ADAMTSL2: variants seen among roughly 807,000 people sequenced by gnomAD.
ADAMTSL2 encodes the protein ADAMTS like 2.
ADAMTSL2 carries 55 observed loss-of-function variants against 117.0 expected under a neutral mutation model. The ratio of observed to expected loss-of-function variants is 0.47; its 90% confidence interval spans 0.38 to 0.59. The LOEUF (loss-of-function observed/expected upper bound fraction) is 0.59. Among genes scored for constraint, ADAMTSL2 ranks in the 20% least tolerant of loss-of-function variants. ADAMTSL2 has a pLI of 0.00. For missense variants in ADAMTSL2, 1,182 were observed against 1,354.5 expected (o/e 0.87, Z 2.00); for synonymous variants, 572 against 566.4 (o/e 1.01, Z -0.14).
chr9:133,569,136 A>T (rs1455741850), intron 15 of ADAMTSL2, among the ~76,000 whole-genome samples: 1 of 150,466 alleles, frequency 6.6e-6, no homozygotes, highest in African/African-American at 2.5e-5. Flanking sequence ...TGTCTCTCTC[A>T]TCGAGAGAGA....
At position 133,557,705 on chromosome 9, in the gene ADAMTSL2, G is replaced by C. The variant is rs1346656596; in HGVS notation, c.1649+1775G>C. ...CTGGTATTCCGTGTGTGAGGCCCAC[G>C]GTAAGGCCTCCAGTAAGTAGAAGCT... On this transcript the variant is annotated intron_variant, in intron 11 of 18. Coordinates refer to ENST00000651351, the MANE Select transcript of ADAMTSL2 (RefSeq NM_014694.4). This position sits in a 1 kb window ranked among gnomAD's most constrained non-coding sequence, Gnocchi z 5.2. Among the ~76,000 whole-genome samples, 3 of 152,190 alleles carry C rather than the reference G, an allele frequency of 2.0e-5. No homozygotes were observed. Among genetic ancestry groups the C allele is most frequent in the Non-Finnish European group, 1.5e-5 (1 of 68,032 alleles).
At position 133,540,680 on chromosome 9, in the gene ADAMTSL2, C is replaced by T; in HGVS notation, c.495C>T (p.Ala165=). 3 of 1,613,828 alleles carry T rather than the reference C, an allele frequency of 1.9e-6. No individual in the cohort carries two copies. The highest frequency in any genetic ancestry group is 2.5e-6 in the Non-Finnish European group (3 of 1,180,048). The part of the protein sequence containing the change: ...VDGQRQLMVP[A]RDGTSCKLTD... ...GCCAGCGGCAGCTCATGGTCCCCGCCCGCGACGGCACATCCTGCAAGCTCA... is the reference window on the plus strand; with the variant it reads ...GCCAGCGGCAGCTCATGGTCCCCGCTCGCGACGGCACATCCTGCAAGCTCA... The change falls in exon 6 of 19, where the codon GCC becomes GCT. Residue 165 remains alanine (A), a synonymous_variant. Transcript: ENST00000651351.
chr9:133,550,739 G>A (rs569324073), intron 9 of ADAMTSL2, among the ~76,000 whole-genome samples: 26 of 152,192 alleles, frequency 1.7e-4, no homozygotes, highest in Admixed American at 1.6e-3. Context: ...GTGAGAAGCC[G>A]TGTGCTGGGG....
At chr9:133,537,681 G>A (rs1830085714) in intron 3 of ADAMTSL2, 134 bp downstream of exon 3, 2 of 1,059,724 alleles carry the variant, frequency 1.9e-6, no homozygotes, top group South Asian at 4.4e-5. Flanking sequence ...CACAGGCTGA[G>A]TCCCCCCATC....
rs1403686846 is a variant in ADAMTSL2 at position 133,558,377 on chromosome 9, G to A, written c.1649+2447G>A. Among the ~76,000 whole-genome samples, 1 of 152,214 alleles carries A rather than the reference G, an allele frequency of 6.6e-6. No individual in the cohort carries two copies. The highest frequency in any genetic ancestry group is 1.5e-5 in the Non-Finnish European group (1 of 68,042). On this transcript the variant is annotated intron_variant, in intron 11 of 18. Transcript: ENST00000651351. This position sits in a 1 kb window ranked among gnomAD's most constrained non-coding sequence, Gnocchi z 4.3. ...ACACAGGAAGTCGTGTCTGCTCAGA[G>A]AAGGCAAAATCAAAGGGGCAGCCCA...
At chr9:133,552,290 T>C (rs2131133217) in intron 9 of ADAMTSL2, among the ~76,000 whole-genome samples, 1 of 152,262 alleles carries the variant, frequency 6.6e-6, no homozygotes, top group Non-Finnish European at 1.5e-5. Context: ...CGCGGAACCC[T>C]GACATTTCCA....
At chr9:133,548,992 C>CTTTT (rs1180540013) in intron 9 of ADAMTSL2, among the ~76,000 whole-genome samples, 1 of 30,982 alleles carries the variant, frequency 3.2e-5, no homozygotes, top group Non-Finnish European at 1.2e-4. Context: ...CAGTTTCCTT[C>CTTTT]TTTTTTTTTT....
chr9:133,538,130 T>C (rs185388593), intron 3 of ADAMTSL2, among the ~76,000 whole-genome samples: 2 of 152,360 alleles, frequency 1.3e-5, no homozygotes, highest in Non-Finnish European at 1.5e-5. Context: ...TTCTGTGTAC[T>C]GAGCCCCTGT....
At chr9:133,571,087 ATCGCGGT>A (rs1831095747) in intron 17 of ADAMTSL2, among the ~76,000 whole-genome samples, 1 of 152,100 alleles carries the variant, frequency 6.6e-6, no homozygotes, top group African/African-American at 2.4e-5. Context: ...CTATGCTGAG[ATCGCGGT>A]TCTCTTTGTA....
In ADAMTSL2 at chr9:133,539,794, C is replaced by T; in HGVS notation, c.333C>T (p.Ser111=). The T allele has an allele frequency of 6.5e-7, 1 of 1,550,084 alleles. No homozygotes were observed. The highest frequency in any genetic ancestry group is 8.7e-7 in the Non-Finnish European group (1 of 1,146,654). ...RVQECPPDGR[S]FREEQCVSFN... ...AGGAGTGTCCGCCGGACGGGAGGAGCTTCCGCGAGGAGCAGTGCGTCTCCT... is the reference window on the plus strand; with the variant it reads ...AGGAGTGTCCGCCGGACGGGAGGAGTTTCCGCGAGGAGCAGTGCGTCTCCT... The change falls in exon 5 of 19, where the codon AGC becomes AGT. Residue 111 remains serine (S), a synonymous_variant. Transcript: ENST00000651351.
chr9:133,572,913 C>T (rs1326692671), intron 17 of ADAMTSL2, among the ~76,000 whole-genome samples: 8 of 152,320 alleles, frequency 5.3e-5, no homozygotes, highest in East Asian at 1.9e-4. Flanking sequence ...TCCAGAGGCA[C>T]GTCCAGAGGC....
At position 133,554,067 on chromosome 9, in the gene ADAMTSL2, GC is replaced by G. The variant is rs956216258; in HGVS notation, c.940-287del. Among the ~76,000 whole-genome samples the G allele has an allele frequency of 1.1e-4, 16 of 152,208 alleles. No individual in the cohort carries two copies. Among genetic ancestry groups the G allele is most frequent in the Non-Finnish European group, 2.2e-4 (15 of 68,032 alleles). On this transcript the variant is annotated intron_variant, in intron 9 of 18. Coordinates refer to ENST00000651351, the MANE Select transcript of ADAMTSL2 (RefSeq NM_014694.4). This position sits in a 1 kb window ranked among gnomAD's most constrained non-coding sequence, Gnocchi z 5.2. Reference sequence around the variant, plus strand: ...CTGCATACAGCATGCAGAGACGAGGGCCCACCTGGGCGTGCCTGGAAGACTG... The same window carrying G: ...CTGCATACAGCATGCAGAGACGAGGGCCACCTGGGCGTGCCTGGAAGACTG...
intron 10 of ADAMTSL2, 80 bp from the exon 11 acceptor site, chr9:133,555,478 G>A (rs1279500756): frequency 1.1e-5 from 17 of 1,582,390 alleles, no homozygotes; most frequent in East Asian, 2.2e-5. Context: ...TGGCCCCCTC[G>A]TCCAGGTCCC....
At chr9:133,563,615 C>T (rs1311988136) in intron 12 of ADAMTSL2, among the ~76,000 whole-genome samples, 1 of 152,138 alleles carries the variant, frequency 6.6e-6, no homozygotes, top group African/African-American at 2.4e-5. Flanking sequence ...GGACACAGCA[C>T]TGTCTCCCAA....
At position 133,536,849 on chromosome 9, in the gene ADAMTSL2, A is replaced by G; in HGVS notation, c.90+47A>G. 1.9e-6 allele frequency: 3 copies of G among 1,613,068 alleles called. 1 individual carries two copies. Among genetic ancestry groups the G allele is most frequent in the South Asian group, 2.2e-5 (2 of 91,042 alleles). ...GAGGGCCCATGCCAGTCCCCTACCC[A>G]GGTGCTGTGATCACTCTCAGATGGA... On this transcript the variant is annotated intron_variant, in intron 2 of 18. Coordinates refer to ENST00000651351, the MANE Select transcript of ADAMTSL2 (RefSeq NM_014694.4).
intron 12 of ADAMTSL2, among the ~76,000 whole-genome samples, chr9:133,563,882 A>G (rs1450462902): frequency 1.3e-4 from 7 of 53,526 alleles, no homozygotes; most frequent in Non-Finnish European, 2.3e-4. Context: ...AGAGAGAGAG[A>G]GAGGGAGAGA....
chr9:133,536,540 G>A (rs369206306), intron 1 of ADAMTSL2, 23 bp from the exon 2 acceptor site: 68 of 1,540,286 alleles, frequency 4.4e-5, no homozygotes, highest in Middle Eastern at 3.4e-4. Flanking sequence ...AGACTGAGGC[G>A]GGGGGTTCAT....
chr9:133,534,932 C>G lies in ADAMTSL2; in HGVS notation c.-151+15C>G. On this transcript the variant is annotated intron_variant, in intron 1 of 18. Coordinates refer to ENST00000651351, the MANE Select transcript of ADAMTSL2 (RefSeq NM_014694.4). ...CCCGAAGCCAGGTAGGCCACCTCGT[C>G]CCCGTCCCCCTCACGTTGCAGCGTC... is the stretch of plus-strand genomic sequence containing the variant. The G allele has an allele frequency of 7.2e-7, 1 of 1,381,072 alleles. No individual in the cohort carries two copies. Among genetic ancestry groups the G allele is most frequent in the Non-Finnish European group, 9.4e-7 (1 of 1,062,232 alleles). The allele number at this position is 1,381,072 out of a possible 1,614,324, so 85.6% of individuals were successfully genotyped here. A position where few individuals can be genotyped will look rare whatever the true frequency, so the allele number is the denominator to read the frequency against.
chr9:133,537,405 G>A lies in ADAMTSL2; in HGVS notation c.91G>A (p.Asp31Asn). 1 of 1,340,428 alleles carries A rather than the reference G, an allele frequency of 7.5e-7. No individual in the cohort carries two copies. Among genetic ancestry groups the A allele is most frequent in the South Asian group, 2.6e-5 (1 of 38,804 alleles). The allele number at this position is 1,340,428 out of a possible 1,614,324, so 83.0% of individuals were successfully genotyped here. ...CCATCTGGGGGTCCCTCTCACCCAGGACAACAGCCCAACATCCAATAGCCT... is the reference window on the plus strand; with the variant it reads ...CCATCTGGGGGTCCCTCTCACCCAGAACAACAGCCCAACATCCAATAGCCT... ...AGDTVSTGST[D>N]NSPTSNSLEG... Residue 31 changes from aspartate to asparagine, a missense_variant and splice_region_variant, in exon 3 of 19, where the codon GAC becomes AAC. Asp to Asn is a conservative substitution (Grantham distance 23). Coordinates refer to ENST00000651351, the MANE Select transcript of ADAMTSL2 (RefSeq NM_014694.4).
Sources: allele counts gnomAD v4.1 joint callset (sites outside exome capture counted in the v4.1 genomes callset), GRCh38; gene constraint gnomAD v4.1.1; non-coding constraint Gnocchi (gnomAD v3.1); transcripts MANE v1.5; gene names NCBI Gene and HGNC (gene_info 2026-07-23, HGNC 2026-07-21).